The following GPC5 variants were observed in gnomAD, a reference collection of about 807,000 sequenced individuals.
GPC5 encodes glypican-5.
In GPC5, 47 loss-of-function variants were observed where a neutral mutation model predicts 53.9. The ratio of observed to expected loss-of-function variants is 0.87; its 90% CI spans 0.69 to 1.11. The LOEUF (loss-of-function observed/expected upper bound fraction) is 1.11. Ranked by LOEUF, GPC5 falls within the 50% of genes most tolerant of loss-of-function variation. The probability of loss-of-function intolerance (pLI) is 0.00; values close to 1 mark genes in which losing one functional copy is unlikely to be tolerated. For missense variants in GPC5, 748 were observed against 713.1 expected (o/e 1.05, Z -0.56); for synonymous variants, 286 against 263.3 (o/e 1.09, Z -0.84).
At chr13:92,266,726 C>A (rs147230106) in intron 7 of GPC5, among the ~76,000 whole-genome samples, 1 of 152,138 alleles carries the variant, frequency 6.6e-6, no homozygotes, top group Non-Finnish European at 1.5e-5. Flanking sequence ...TTTCAAATAT[C>A]ATTAGCAGAA....
chr13:92,065,450 T>G (rs1158806136), intron 6 of GPC5, among the ~76,000 whole-genome samples: 5 of 152,132 alleles, frequency 3.3e-5, no homozygotes, highest in African/African-American at 1.2e-4. Flanking sequence ...AACCCTAAAT[T>G]CCATGTTTAG....
At chr13:92,495,625 C>CTT (rs71123409) in intron 7 of GPC5, among the ~76,000 whole-genome samples, 3 of 147,002 alleles carry the variant, frequency 2.0e-5, no homozygotes, top group Admixed American at 1.3e-4. Flanking sequence ...TTTAAGGAGA[C>CTT]TTTTTTTTTT....
intron 5 of GPC5, among the ~76,000 whole-genome samples, chr13:91,838,154 CTG>C (rs1351844808): frequency 6.6e-6 from 1 of 152,142 alleles, no homozygotes; most frequent in Non-Finnish European, 1.5e-5. Flanking sequence ...CAGTGATAAA[CTG>C]TGGATGAAAC....
chr13:91,878,390 G>T (rs2039227717), intron 5 of GPC5, among the ~76,000 whole-genome samples: 1 of 152,098 alleles, frequency 6.6e-6, no homozygotes, highest in African/African-American at 2.4e-5. Flanking sequence ...AGTAGTATTT[G>T]TCAAACTGCC....
chr13:92,408,629 GAC>G (rs35366487), intron 7 of GPC5, among the ~76,000 whole-genome samples: 50,372 of 147,802 alleles, frequency 0.34, 8,691 homozygotes, highest in Middle Eastern at 0.41. Flanking sequence ...TATATATATA[GAC>G]ACACACACAC....
chr13:92,414,504 C>CAAA (rs368737499), intron 7 of GPC5, among the ~76,000 whole-genome samples: 1 of 120,474 alleles, frequency 8.3e-6, no homozygotes, highest in Non-Finnish European at 1.8e-5. Context: ...GACTCTGTCT[C>CAAA]AAAAAAAAAA....
chr13:92,362,772 T>A (rs931594682), intron 7 of GPC5, among the ~76,000 whole-genome samples: 2 of 151,764 alleles, frequency 1.3e-5, no homozygotes, highest in Admixed American at 6.5e-5. Context: ...TTTACACTTC[T>A]CTTCAGGTTA....
At chr13:92,737,187 T>C (rs1888958720) in intron 7 of GPC5, among the ~76,000 whole-genome samples, 1 of 152,066 alleles carries the variant, frequency 6.6e-6, no homozygotes, top group Admixed American at 6.6e-5. Flanking sequence ...TATTTTCATC[T>C]CTTTATGTCT....
intron 5 of GPC5, among the ~76,000 whole-genome samples, chr13:91,794,841 A>T (rs1039999711): frequency 5.9e-5 from 9 of 152,206 alleles, no homozygotes; most frequent in Admixed American, 5.9e-4. Flanking sequence ...CTTCCCCATT[A>T]TCCAGAGAGA....
intron 6 of GPC5, among the ~76,000 whole-genome samples, chr13:91,944,884 T>TC (rs2039960780): frequency 1.3e-5 from 2 of 152,140 alleles, no homozygotes; most frequent in Admixed American, 6.5e-5. Context: ...TCTCAATATT[T>TC]CCCCCCATTT....
intron 2 of GPC5, among the ~76,000 whole-genome samples, chr13:91,516,843 G>C (rs1225244307): frequency 6.6e-6 from 1 of 152,122 alleles, no homozygotes; most frequent in Non-Finnish European, 1.5e-5. Flanking sequence ...CTTGACTTCT[G>C]TCCACCCACA....
chr13:92,427,087 G>GA (rs763193901), intron 7 of GPC5, among the ~76,000 whole-genome samples: 24 of 151,058 alleles, frequency 1.6e-4, no homozygotes, highest in East Asian at 3.9e-4. Context: ...AATATTTATT[G>GA]AAAAAAAACA....
intron 7 of GPC5, among the ~76,000 whole-genome samples, chr13:92,595,767 C>CAAA (rs35255458): frequency 0.33 from 30,856 of 93,012 alleles, 6,435 homozygotes; most frequent in East Asian, 0.68. Flanking sequence ...GACTCTGTCT[C>CAAA]AAAAAAAAAA....
chr13:92,850,148 G>A (rs904744525), intron 7 of GPC5, among the ~76,000 whole-genome samples: 3 of 152,106 alleles, frequency 2.0e-5, no homozygotes, highest in African/African-American at 7.2e-5. Context: ...TTTACTGAGA[G>A]CAGAGGAATT....
intron 6 of GPC5, among the ~76,000 whole-genome samples, chr13:92,118,048 T>C (rs1208325890): frequency 6.6e-6 from 1 of 152,192 alleles, no homozygotes; most frequent in African/African-American, 2.4e-5. Context: ...AATCAGAGAG[T>C]CGCCATTAAG....
At chr13:91,804,835 G>T (rs2038195042) in intron 5 of GPC5, among the ~76,000 whole-genome samples, 1 of 152,302 alleles carries the variant, frequency 6.6e-6, no homozygotes, top group East Asian at 1.9e-4. Flanking sequence ...GTGTGCATGT[G>T]AACTTCACTC....
intron 3 of GPC5, among the ~76,000 whole-genome samples, chr13:91,714,855 C>T (rs528209447): frequency 2.0e-5 from 3 of 152,120 alleles, no homozygotes; most frequent in African/African-American, 4.8e-5. Context: ...AAGGGTCAAC[C>T]CACGGTAGAA....
At chr13:91,879,056 A>G (rs1426047520) in intron 5 of GPC5, among the ~76,000 whole-genome samples, 2 of 152,076 alleles carry the variant, frequency 1.3e-5, no homozygotes, top group Admixed American at 1.3e-4. Context: ...TTTATATGGC[A>G]CATATCACAG....
intron 7 of GPC5, among the ~76,000 whole-genome samples, chr13:92,649,666 A>T (rs2139163766): frequency 6.6e-6 from 1 of 152,218 alleles, no homozygotes; most frequent in African/African-American, 2.4e-5. Context: ...GAATCAAGAA[A>T]TTTAGATTAC....
Sources: allele counts gnomAD v4.1 joint callset (sites outside exome capture counted in the v4.1 genomes callset), GRCh38; gene constraint gnomAD v4.1.1; transcripts MANE v1.5; gene names NCBI Gene and HGNC (gene_info 2026-07-23, HGNC 2026-07-21).